Variants in SYCE2 observed in about 807,000 individuals in gnomAD.
The protein encoded by SYCE2 is synaptonemal complex central element protein 2, also known as central element synaptonemal complex 1.
Under a neutral mutation model 27.9 loss-of-function variants are expected in SYCE2, and 3 were observed. That is an observed-to-expected ratio of 0.11 (90% CI 0.05 to 0.28). The LOEUF (loss-of-function observed/expected upper bound fraction) is 0.28. Among genes scored for constraint, SYCE2 ranks in the 10% least tolerant of loss-of-function variants. SYCE2 has a pLI of 1.00. For missense variants in SYCE2, 207 were observed against 263.5 expected, an observed-to-expected ratio of 0.79 and a Z score of 1.48; for synonymous variants, 85 against 100.7, an observed-to-expected ratio of 0.84 and a Z score of 0.93.
intron 2 of SYCE2, among the ~76,000 whole-genome samples, chr19:12,907,222 A>G (rs1278602857): frequency 6.6e-6 from 1 of 152,090 alleles, no homozygotes; most frequent in African/African-American, 2.4e-5. Flanking sequence ...TGTTCTCTTT[A>G]CGACATGGGC....
rs559677196 is a variant in SYCE2 at position 12,910,335 on chromosome 19, TA to T, written c.132-5670del. 2.4e-4 allele frequency among the ~76,000 whole-genome samples: 36 copies of T among 152,218 alleles called. No homozygotes were observed. The South Asian group carries it at 7.2e-3, about 31-fold the overall frequency. ...TTCTTTTGTAAGAAATTTTCTTTTG[TA>T]AAAAATTTTGTTATTATTATTTTGT... On this transcript the variant is annotated intron_variant, in intron 2 of 5. Coordinates refer to ENST00000293695, the MANE Select transcript of SYCE2 (RefSeq NM_001105578.2).
chr19:12,901,043 C>T (rs1970825380), intron 3 of SYCE2, among the ~76,000 whole-genome samples: 1 of 152,122 alleles, frequency 6.6e-6, no homozygotes, highest in Admixed American at 6.6e-5. Flanking sequence ...GTGGCGGGCG[C>T]CTGTAGTCCC....
intron 2 of SYCE2, among the ~76,000 whole-genome samples, chr19:12,910,145 G>A (rs1300006999): frequency 4.0e-5 from 6 of 151,898 alleles, no homozygotes; most frequent in East Asian, 1.9e-4. Context: ...GATTACAGGC[G>A]TGAGCCACCA....
chr19:12,913,667 C>T lies in SYCE2; in HGVS notation c.131+4555G>A, dbSNP rs16978786. ...CTGCTGCTGGATCTATTAACTGGCC[C>T]CTGCACTGGTTTTAATCTATCTGTT... On this transcript the variant is annotated intron_variant, in intron 2 of 5. Coordinates refer to ENST00000293695, the MANE Select transcript of SYCE2 (RefSeq NM_001105578.2). Among the ~76,000 whole-genome samples, 667 of 152,232 alleles carry T rather than the reference C, an allele frequency of 4.4e-3. 5 individuals are homozygous for T. Among genetic ancestry groups the T allele is most frequent in the African/African-American group, 0.015 (609 of 41,540 alleles).
At chr19:12,900,951 G>A (rs371843449) in intron 3 of SYCE2, among the ~76,000 whole-genome samples, 5 of 152,114 alleles carry the variant, frequency 3.3e-5, no homozygotes, top group Middle Eastern at 3.4e-3. Context: ...AGGCCGAGGC[G>A]GGCGGATCAC....
chr19:12,913,610 C>T (rs1252271499), intron 2 of SYCE2, among the ~76,000 whole-genome samples: 1 of 152,148 alleles, frequency 6.6e-6, no homozygotes, highest in Non-Finnish European at 1.5e-5. Flanking sequence ...TCTCTGGAAA[C>T]GTGTTAACAT....
rs868170771 is a variant in SYCE2 at position 12,916,021 on chromosome 19, G to A, written c.131+2201C>T. 3.5e-4 allele frequency among the ~76,000 whole-genome samples: 53 copies of A among 152,058 alleles called. 1 individual carries two copies. The Middle Eastern group carries it at 0.034, about 99-fold the overall frequency. ...GAGGGTATGAGCATGTCTGTCTGGA[G>A]GACAGGAGTGTCCCTGCTGCCAATC... On this transcript the variant is annotated intron_variant, in intron 2 of 5. Transcript: ENST00000293695.
chr19:12,901,740 C>T (rs575226842), intron 3 of SYCE2, among the ~76,000 whole-genome samples: 1 of 152,066 alleles, frequency 6.6e-6, no homozygotes, highest in African/African-American at 2.4e-5. Flanking sequence ...CTCAGCCTCC[C>T]GAGTAGCTGG....
intron 3 of SYCE2, among the ~76,000 whole-genome samples, chr19:12,904,176 T>C (rs1050228096): frequency 6.6e-6 from 1 of 152,206 alleles, no homozygotes; most frequent in African/African-American, 2.4e-5. Context: ...CCTGGCTCTC[T>C]CGTCAGGCAA....
Position 12,904,892 on chromosome 19 carries a change from C to G in SYCE2, c.132-226G>C, listed in dbSNP as rs577101371. The G allele has an allele frequency of 2.2e-4, 93 of 425,416 alleles. No homozygotes were observed. In the Middle Eastern group the frequency reaches 2.8e-3, roughly 13 times the overall value. The allele number at this position is 425,416 out of a possible 1,614,324, so 26.4% of individuals were successfully genotyped here. The stretch of plus-strand genomic sequence containing the variant: ...CGGTGGCACGTGCCTGTAGTCCCAG[C>G]TACTTGGGAGGCTGAGGCAGGAGAA... On this transcript the variant is annotated intron_variant, in intron 2 of 5. Coordinates refer to ENST00000293695, the MANE Select transcript of SYCE2 (RefSeq NM_001105578.2).
chr19:12,916,906 C>T (rs561804854), intron 2 of SYCE2, among the ~76,000 whole-genome samples: 8 of 152,128 alleles, frequency 5.3e-5, no homozygotes, highest in Middle Eastern at 3.4e-3. Flanking sequence ...TGCACCACCA[C>T]GCCTGGCTGA....
chr19:12,905,092 C>T (rs531717235), intron 2 of SYCE2, among the ~76,000 whole-genome samples: 19 of 152,066 alleles, frequency 1.2e-4, no homozygotes, highest in African/African-American at 4.1e-4. Flanking sequence ...AGGGGACCCG[C>T]GTTGTTGCCT....
intron 1 of SYCE2, 43 bp downstream of exon 1, chr19:12,919,200 G>C (rs778092462): frequency 6.2e-7 from 1 of 1,606,964 alleles, no homozygotes. Flanking sequence ...CTGCCTATCT[G>C]TCCGCCCGCC....
chr19:12,906,088 ACAAGTG>A (rs1970928569), intron 2 of SYCE2: 1 of 150,194 alleles, frequency 6.7e-6, no homozygotes. Context: ...CGAACTCCTG[ACAAGTG>A]ATCCTCCTGC....
chr19:12,915,680 A>G (rs527531343), intron 2 of SYCE2, among the ~76,000 whole-genome samples: 1 of 151,894 alleles, frequency 6.6e-6, no homozygotes, highest in East Asian at 1.9e-4. Flanking sequence ...CCTCTAGGAT[A>G]AAGTCTGTAG....
chr19:12,915,021 A>C (rs1599642400), intron 2 of SYCE2, among the ~76,000 whole-genome samples: 1 of 152,248 alleles, frequency 6.6e-6, no homozygotes, highest in Non-Finnish European at 1.5e-5. Context: ...GTCCACACAC[A>C]AACTTTTCTA....
chr19:12,902,692 T>C (rs578165886), intron 3 of SYCE2, among the ~76,000 whole-genome samples: 28 of 152,084 alleles, frequency 1.8e-4, no homozygotes, highest in South Asian at 8.3e-4. Context: ...TGCATGCCTA[T>C]AGTCTCAAGC....
At chr19:12,916,861 T>C (rs1301225263) in intron 2 of SYCE2, among the ~76,000 whole-genome samples, 1 of 152,086 alleles carries the variant, frequency 6.6e-6, no homozygotes, top group East Asian at 1.9e-4. Context: ...GGGATCCTCC[T>C]GCCTTGGCCT....
chr19:12,918,212 T>C lies in SYCE2; in HGVS notation c.131+10A>G. ...CCTGTGTAGACCCATAGGGCTGGGA[T>C]CTTCCTCACCTAGCTGGCCCTCCAC... On this transcript the variant is annotated intron_variant, in intron 2 of 5. Transcript: ENST00000293695. The C allele has an allele frequency of 6.2e-7, 1 of 1,612,652 alleles. No homozygotes were observed. The highest frequency in any genetic ancestry group is 1.1e-5 in the South Asian group (1 of 91,050).
Sources: gnomAD v4.1 joint callset for allele counts (sites outside exome capture counted in the v4.1 genomes callset) on GRCh38, gnomAD v4.1.1 for gene constraint, MANE v1.5 for transcripts, NCBI Gene and HGNC (gene_info 2026-07-23, HGNC 2026-07-21) for gene names.